COL4A2: variants seen among roughly 807,000 people sequenced by gnomAD.
COL4A2 encodes the protein collagen type IV alpha 2 chain.
Under a neutral mutation model 200.2 loss-of-function variants are expected in COL4A2, and 99 were observed. The ratio of observed to expected loss-of-function variants is 0.49; its 90% CI spans 0.42 to 0.58. COL4A2 has a LOEUF of 0.58. Ranked by LOEUF, COL4A2 falls within the 20% of genes least tolerant of loss-of-function variation. COL4A2 has a pLI of 0.00. For missense variants in COL4A2, 1,950 were observed against 2,314.1 expected (o/e 0.84, Z 3.23); for synonymous variants, 897 against 900.6 (o/e 1.00, Z 0.07).
intron 4 of COL4A2, among the ~76,000 whole-genome samples, chr13:110,411,181 C>T (rs7338965): frequency 0.99 from 150,099 of 152,236 alleles, 74,025 homozygotes; most frequent in East Asian, 1. Context: ...CTCTGCGAAG[C>T]GGCCTCCTGA....
intron 4 of COL4A2, among the ~76,000 whole-genome samples, chr13:110,361,948 C>T (rs1877533005): frequency 6.6e-6 from 1 of 152,212 alleles, no homozygotes; most frequent in African/African-American, 2.4e-5. Flanking sequence ...CTCTGCAAAT[C>T]TCACACCCAG....
intron 36 of COL4A2, among the ~76,000 whole-genome samples, chr13:110,490,703 G>T (rs1367142480): frequency 6.6e-6 from 1 of 152,162 alleles, no homozygotes; most frequent in Non-Finnish European, 1.5e-5. Flanking sequence ...TAGGCCATTA[G>T]TCCGGCCATT....
rs1407627325 is a variant in COL4A2 at position 110,508,287 on chromosome 13, G to A, written c.4881+66G>A. 6.3e-7 allele frequency: 1 copy of A among 1,581,354 alleles called. No individual in the cohort carries two copies. On this transcript the variant is annotated intron_variant, in intron 47 of 47. Coordinates refer to ENST00000360467, the MANE Select transcript of COL4A2 (RefSeq NM_001846.4). This position sits in a 1 kb window ranked among gnomAD's most constrained non-coding sequence, Gnocchi z 6.1. The stretch of plus-strand genomic sequence containing the variant: ...TGCTGGGGACACAGCAAGAACAGCT[G>A]CCTTTGTGAGAAGAATCAGACACGG...
chr13:110,426,085 A>G (rs1019172390), intron 6 of COL4A2, among the ~76,000 whole-genome samples: 1 of 152,234 alleles, frequency 6.6e-6, no homozygotes, highest in African/African-American at 2.4e-5. Context: ...ATCTTGAGAA[A>G]TGGACAGAAA....
rs1472502325 is a variant in COL4A2 at position 110,478,118 on chromosome 13, T to A, written c.2541T>A (p.Pro847=). 6.3e-7 allele frequency: 1 copy of A among 1,599,702 alleles called. No individual in the cohort carries two copies. Among genetic ancestry groups the A allele is most frequent in the Non-Finnish European group, 8.5e-7 (1 of 1,171,620 alleles). The change falls in exon 30 of 48, where the codon CCT becomes CCA. Residue 847 remains proline (P), a synonymous_variant. Transcript: ENST00000360467. ...PPGLHGFPGA[P]GQEGPLGLPG... ...GACTGCATGGATTCCCAGGAGCTCC[T>A]GGCCAAGAGGGGCCCTTGGGGCTGC... is the stretch of plus-strand genomic sequence containing the variant.
At chr13:110,391,918 A>C (rs1169799371) in intron 4 of COL4A2, among the ~76,000 whole-genome samples, 1 of 152,114 alleles carries the variant, frequency 6.6e-6, no homozygotes, top group Non-Finnish European at 1.5e-5. Context: ...ATATTTACCC[A>C]GGTTTCTTGG....
chr13:110,495,307 C>T, intron 39 of COL4A2, 35 bp from the exon 40 acceptor site: 3 of 1,613,736 alleles, frequency 1.9e-6, no homozygotes, highest in South Asian at 1.1e-5. Flanking sequence ...TGGTTGGAAA[C>T]ACCGACATCA....
intron 4 of COL4A2, among the ~76,000 whole-genome samples, chr13:110,364,554 G>A (rs917164837): frequency 2.0e-5 from 3 of 152,176 alleles, no homozygotes; most frequent in Non-Finnish European, 4.4e-5. Flanking sequence ...CACTTCAAGA[G>A]AATGGTTAAA....
At chr13:110,489,882 C>T (rs1883229702) in intron 36 of COL4A2, 97 bp downstream of exon 36, 9 of 1,312,068 alleles carry the variant, frequency 6.9e-6, no homozygotes, top group Non-Finnish European at 8.4e-6. Flanking sequence ...CAGTAACAAC[C>T]AGAAAGCACT....
intron 4 of COL4A2, among the ~76,000 whole-genome samples, chr13:110,360,924 G>A (rs1430596591): frequency 2.6e-5 from 4 of 152,210 alleles, no homozygotes; most frequent in Non-Finnish European, 5.9e-5. Context: ...GCCGAGGCCC[G>A]TGCTGCCAAG....
chr13:110,430,723 A>G (rs763569120), intron 10 of COL4A2, 116 bp downstream of exon 10: 3 of 1,360,210 alleles, frequency 2.2e-6, no homozygotes, highest in Middle Eastern at 1.8e-4. Context: ...TATGATGCTT[A>G]TAGGCGTAGC....
At chr13:110,486,042 C>T (rs928796537) in intron 34 of COL4A2, among the ~76,000 whole-genome samples, 2 of 151,796 alleles carry the variant, frequency 1.3e-5, no homozygotes, top group African/African-American at 2.4e-5. Context: ...CAACCGGCTG[C>T]CGTGGCCCTT....
At chr13:110,503,732 C>T (rs1296752083) in intron 43 of COL4A2, 115 bp from the exon 44 acceptor site, 5 of 1,304,756 alleles carry the variant, frequency 3.8e-6, no homozygotes, top group Non-Finnish European at 5.4e-6. Context: ...CTAGAAAGCA[C>T]AGTTGTCTGG....
At position 110,434,392 on chromosome 13, in the gene COL4A2, T is replaced by C; in HGVS notation, c.685-9T>C. On this transcript the variant is annotated splice_polypyrimidine_tract_variant and intron_variant, in intron 11 of 47. Transcript: ENST00000360467. ...TTTTAAAACTTACAGAAATTATTTA[T>C]CTTTTCAGGGCAACAGAGGACTTGG... The C allele has an allele frequency of 1.2e-6, 2 of 1,609,138 alleles. No individual in the cohort carries two copies. Among genetic ancestry groups the C allele is most frequent in the Non-Finnish European group, 1.7e-6 (2 of 1,178,574 alleles).
intron 4 of COL4A2, among the ~76,000 whole-genome samples, chr13:110,374,391 T>A (rs952358): frequency 0.21 from 31,897 of 152,166 alleles, 3,472 homozygotes; most frequent in East Asian, 0.39. Flanking sequence ...GGGTATGATG[T>A]TGCACCTTGA....
In COL4A2 at chr13:110,445,463, C is replaced by T. The variant is rs147337772; in HGVS notation, c.958-366C>T. Among the ~76,000 whole-genome samples the T allele has an allele frequency of 3.7e-4, 56 of 152,286 alleles. 1 individual carries two copies. The South Asian group carries it at 5.6e-3, about 15-fold the overall frequency. On this transcript the variant is annotated intron_variant, in intron 16 of 47. Transcript: ENST00000360467. ...TAGAAGAACAGATTGTACAACACCA[C>T]GGGGGTGAGACTGACTGCAGCCCAC...
chr13:110,395,782 TA>T (rs1331374578), intron 4 of COL4A2, among the ~76,000 whole-genome samples: 1 of 152,060 alleles, frequency 6.6e-6, no homozygotes, highest in Admixed American at 6.5e-5. Flanking sequence ...CCGTCTCTGC[TA>T]AAAATATAAA....
intron 20 of COL4A2, among the ~76,000 whole-genome samples, chr13:110,454,946 G>C (rs1881667582): frequency 1.3e-5 from 2 of 151,932 alleles, no homozygotes; most frequent in East Asian, 3.9e-4. Context: ...CTCTCCCTTG[G>C]TCCTCACCCT....
chr13:110,453,594 AAGTCACAG>A (rs1881620253), intron 20 of COL4A2, among the ~76,000 whole-genome samples: 1 of 152,238 alleles, frequency 6.6e-6, no homozygotes, highest in Non-Finnish European at 1.5e-5. Context: ...CATTTTGATA[AAGTCACAG>A]CATATGCCAT....
Sources: allele counts gnomAD v4.1 joint callset (sites outside exome capture counted in the v4.1 genomes callset), GRCh38; gene constraint gnomAD v4.1.1; non-coding constraint Gnocchi (gnomAD v3.1); transcripts MANE v1.5; gene names NCBI Gene and HGNC (gene_info 2026-07-23, HGNC 2026-07-21).